BTAF1: variants seen among roughly 807,000 people sequenced by gnomAD.
BTAF1 encodes B-TFIID TATA-box binding protein associated factor 1, also known as TATA-binding protein-associated factor 172.
BTAF1 carries 38 observed loss-of-function variants against 227.1 expected under a neutral mutation model. That is an observed-to-expected ratio of 0.17 (90% CI 0.13 to 0.22). BTAF1 has a LOEUF of 0.22. BTAF1 is among the 10% of genes least tolerant of loss of function. BTAF1 has a pLI of 1.00. For synonymous variants in BTAF1, 742 were observed against 751.9 expected, an observed-to-expected ratio of 0.99 and a Z score of 0.21; for missense variants, 1,598 against 2,204.0, an observed-to-expected ratio of 0.73 and a Z score of 5.51.
chr10:91,938,443 A>G (rs1844779045), intron 2 of BTAF1, among the ~76,000 whole-genome samples: 1 of 152,140 alleles, frequency 6.6e-6, no homozygotes, highest in African/African-American at 2.4e-5. Context: ...ATTTTTGTGT[A>G]TGTTAATGAG....
At chr10:92,028,727 A>G in intron 37 of BTAF1, 63 bp from the exon 38 acceptor site, 1 of 1,471,328 alleles carries the variant, frequency 6.8e-7, no homozygotes, top group Non-Finnish European at 9.2e-7. Context: ...TTTTAAAGGA[A>G]AATACAATTT....
intron 2 of BTAF1, among the ~76,000 whole-genome samples, chr10:91,936,323 A>G (rs1844607583): frequency 6.6e-6 from 1 of 152,048 alleles, no homozygotes; most frequent in South Asian, 2.1e-4. Context: ...AATTCTACAC[A>G]TTTAATTTCC....
Position 91,941,892 on chromosome 10 carries a change from A to T in BTAF1, c.254-530A>T, listed in dbSNP as rs185826776. On this transcript the variant is annotated intron_variant, in intron 3 of 37. Coordinates refer to ENST00000265990, the MANE Select transcript of BTAF1 (RefSeq NM_003972.3). ...CTCACTAACATCTGATGGTCTGTGGAAAAGGAACCACCAACTTATTCACAG... is the reference window on the plus strand; with the variant it reads ...CTCACTAACATCTGATGGTCTGTGGTAAAGGAACCACCAACTTATTCACAG... 3.6e-3 allele frequency among the ~76,000 whole-genome samples: 547 copies of T among 152,346 alleles called. 1 individual carries two copies. The highest frequency in any genetic ancestry group is 0.017 in the Middle Eastern group (5 of 294).
At chr10:91,985,388 G>A (rs978570138) in intron 19 of BTAF1, among the ~76,000 whole-genome samples, 21 of 151,702 alleles carry the variant, frequency 1.4e-4, no homozygotes, top group Admixed American at 2.6e-4. Context: ...CCATTCTCCC[G>A]TTTATGGACA....
At chr10:91,985,297 A>T (rs562040912) in intron 19 of BTAF1, among the ~76,000 whole-genome samples, 5 of 150,746 alleles carry the variant, frequency 3.3e-5, no homozygotes, top group African/African-American at 7.4e-5. Context: ...AATCTGTGTT[A>T]TATATATATA....
Position 91,953,743 on chromosome 10 carries a change from C to G in BTAF1, c.571C>G (p.Gln191Glu), listed in dbSNP as rs375679404. 1.8e-5 allele frequency: 29 copies of G among 1,613,640 alleles called. No homozygotes were observed. The highest frequency in any genetic ancestry group is 2.5e-5 in the Non-Finnish European group (29 of 1,179,836). The change falls in exon 6 of 38, where the codon CAG (glutamine) becomes GAG (glutamate). Residue 191 changes from glutamine (Q) to glutamate (E), a missense_variant. Gln to Glu is a conservative substitution (Grantham distance 29). Around this residue, in one of 10 missense-constraint regions of BTAF1, gnomAD observed 298 missense variants for 395.2 expected, o/e 0.75. Transcript: ENST00000265990. ...ASFVNKQPTL[Q>E]AAELIDSEFR... is the part of the protein sequence containing the mutation. Reference sequence around the variant, plus strand: ...CATTCTTTTATTCTTTTAGACTCTTCAGGCAGCTGAATTGATTGACTCAGA... The same window carrying G: ...CATTCTTTTATTCTTTTAGACTCTTGAGGCAGCTGAATTGATTGACTCAGA...
chr10:91,956,768 A>T, intron 7 of BTAF1, 111 bp downstream of exon 7: 2 of 1,186,920 alleles, frequency 1.7e-6, no homozygotes, highest in Non-Finnish European at 2.3e-6. Context: ...GGCGGGCGTT[A>T]TCACGAGGTC....
intron 18 of BTAF1, among the ~76,000 whole-genome samples, 179 bp downstream of exon 18, chr10:91,982,940 T>C (rs1180788374): frequency 2.0e-5 from 3 of 152,238 alleles, no homozygotes; most frequent in Admixed American, 6.5e-5. Context: ...AACTCTGGAC[T>C]TTTGTCTTAG....
At chr10:91,991,793 GTGTGTATATATATATATATA>G (rs1564700560) in intron 20 of BTAF1, among the ~76,000 whole-genome samples, 1 of 83,428 alleles carries the variant, frequency 1.2e-5, no homozygotes, top group African/African-American at 3.1e-5. Flanking sequence ...GTGTGTGTGT[GTGTGTATATATATATATATA>G]TATATATATA....
intron 37 of BTAF1, among the ~76,000 whole-genome samples, chr10:92,028,530 CAT>C (rs1270467678): frequency 6.6e-6 from 1 of 152,060 alleles, no homozygotes; most frequent in Non-Finnish European, 1.5e-5. Flanking sequence ...TATACATACA[CAT>C]ATATAAATGG....
In BTAF1 at chr10:91,964,152, A is replaced by G; in HGVS notation, c.1480A>G (p.Met494Val). 1 of 1,613,070 alleles carries G rather than the reference A, an allele frequency of 6.2e-7. No individual in the cohort carries two copies. The highest frequency in any genetic ancestry group is 8.5e-7 in the Non-Finnish European group (1 of 1,179,314). Residue 494 changes from methionine to valine, a missense_variant, in exon 13 of 38, where the codon ATG becomes GTG. Met to Val is a conservative substitution (Grantham distance 21, BLOSUM62 1). This residue lies in a region of BTAF1 where 318 missense variants were observed against 435.0 expected (regional missense o/e 0.73). Transcript: ENST00000265990. Reference protein sequence around the residue: ...DDLTASTNSIMTLLSSLLTYP... With the variant: ...DDLTASTNSIVTLLSSLLTYP... ...TCTAACAGCTTCAACAAATAGTATT[A>G]TGACTCTCCTTTCATCCTTGTTAAC...
At chr10:91,942,650 C>G in intron 4 of BTAF1, 82 bp downstream of exon 4, 1 of 1,404,726 alleles carries the variant, frequency 7.1e-7, no homozygotes, top group South Asian at 1.3e-5. Flanking sequence ...TCATTAGTCA[C>G]ACGTAAACTA....
At chr10:91,935,345 T>C (rs137940149) in intron 1 of BTAF1, among the ~76,000 whole-genome samples, 1 of 152,362 alleles carries the variant, frequency 6.6e-6, no homozygotes, top group East Asian at 1.9e-4. Context: ...TTGTTTCTTC[T>C]ATTTAGCTGT....
intron 34 of BTAF1, among the ~76,000 whole-genome samples, chr10:92,023,510 C>T (rs1851283962): frequency 6.6e-6 from 1 of 152,128 alleles, no homozygotes; most frequent in African/African-American, 2.4e-5. Context: ...ATGGCGAAAC[C>T]CCATCTCTAC....
chr10:91,996,064 T>C (rs961616028), intron 23 of BTAF1, among the ~76,000 whole-genome samples: 1 of 152,190 alleles, frequency 6.6e-6, no homozygotes, highest in African/African-American at 2.4e-5. Flanking sequence ...TGCCAAGTAC[T>C]TTTTGGTTTG....
intron 33 of BTAF1, among the ~76,000 whole-genome samples, chr10:92,017,311 G>A (rs188127244): frequency 6.6e-6 from 1 of 152,270 alleles, no homozygotes; most frequent in Admixed American, 6.5e-5. Context: ...ATTCCAGGCA[G>A]AGGATACAAA....
In BTAF1 at chr10:91,971,188, A is replaced by G. The variant is rs112428487; in HGVS notation, c.1650+4431A>G. Among the ~76,000 whole-genome samples the G allele has an allele frequency of 3.3e-3, 505 of 152,114 alleles. 12 individuals are homozygous for G. Among genetic ancestry groups the G allele is most frequent in the African/African-American group, 0.012 (494 of 41,470 alleles). On this transcript the variant is annotated intron_variant, in intron 14 of 37. Transcript: ENST00000265990. The stretch of plus-strand genomic sequence containing the variant: ...TTCTATTATTTTTCATAACTTTTCA[A>G]TGGCATCATTCATGAAATTTCACTT...
intron 14 of BTAF1, 24 bp downstream of exon 14, chr10:91,966,781 T>A: frequency 6.3e-7 from 1 of 1,587,276 alleles, no homozygotes; most frequent in Non-Finnish European, 8.6e-7. Context: ...ACTATAGCAG[T>A]CTTGAAACTT....
At chr10:91,973,903 CAAAA>C (rs566022941) in intron 14 of BTAF1, among the ~76,000 whole-genome samples, 4 of 93,914 alleles carry the variant, frequency 4.3e-5, no homozygotes, top group Admixed American at 1.2e-4. Context: ...GACTCCGTCT[CAAAA>C]AAAAAAAAAA....
Sources: gnomAD v4.1 joint callset for allele counts (sites outside exome capture counted in the v4.1 genomes callset) on GRCh38, gnomAD v4.1.1 for gene constraint, gnomAD v4.1.1 regional missense constraint, MANE v1.5 for transcripts, NCBI Gene and HGNC (gene_info 2026-07-23, HGNC 2026-07-21) for gene names.